GIMAP8: variants seen among roughly 807,000 people sequenced by gnomAD.
GIMAP8 encodes the protein GTPase, IMAP family member 8.
In GIMAP8, 29 loss-of-function variants were observed where a neutral mutation model predicts 35.6. The ratio of observed to expected loss-of-function variants is 0.81; its 90% CI spans 0.61 to 1.11. GIMAP8 has a LOEUF of 1.11. GIMAP8 is among the 50% of genes most tolerant of loss of function. GIMAP8 has a pLI of 0.00. For missense variants in GIMAP8, 811 were observed against 805.0 expected (o/e 1.01, Z -0.09); for synonymous variants, 335 against 308.7 (o/e 1.09, Z -0.89).
In GIMAP8 at chr7:150,474,392, T is replaced by C. The variant is rs1802173265; in HGVS notation, c.1063T>C (p.Phe355Leu). ...STIQNNFGEK[F>L]FEYMIILLTR... ...CATCCAAAACAATTTTGGAGAAAAATTCTTTGAGTACATGATCATACTTCT... is the reference window on the plus strand; with the variant it reads ...CATCCAAAACAATTTTGGAGAAAAACTCTTTGAGTACATGATCATACTTCT... The change falls in exon 4 of 5, where the codon TTC becomes CTC. Residue 355 changes from phenylalanine (F) to leucine (L), a missense_variant. Physicochemically the swap from Phe to Leu is conservative, Grantham distance 22 (BLOSUM62 0). Transcript: ENST00000307271. The C allele has an allele frequency of 1.2e-6, 2 of 1,613,940 alleles. No homozygotes were observed. Among genetic ancestry groups the C allele is most frequent in the African/African-American group, 1.3e-5 (1 of 74,874 alleles).
Position 150,472,187 on chromosome 7 carries a change from G to A in GIMAP8, c.682+1313G>A, listed in dbSNP as rs1446082199. Among the ~76,000 whole-genome samples, 1 of 152,178 alleles carries A rather than the reference G, an allele frequency of 6.6e-6. No homozygotes were observed. The highest frequency in any genetic ancestry group is 1.5e-5 in the Non-Finnish European group (1 of 68,034). On this transcript the variant is annotated intron_variant, in intron 3 of 4. Transcript: ENST00000307271. The surrounding 1 kb of genome is among the most constrained non-coding windows in gnomAD (Gnocchi z 4.1). ...CAGGGCTGTCAGAAACAGGGGGCAG[G>A]GAAGGACTTTTTATAGGATGTGGGC...
At chr7:150,455,138 CAAA>C (rs57359256) in intron 1 of GIMAP8, among the ~76,000 whole-genome samples, 33,768 of 124,060 alleles carry the variant, frequency 0.27, 4,237 homozygotes, top group East Asian at 0.41. Flanking sequence ...AATTCCATCT[CAAA>C]AAAAAAAAAA....
chr7:150,452,709 T>TATATATATATATATACACAC (rs1373884339), intron 1 of GIMAP8, among the ~76,000 whole-genome samples: 3 of 106,624 alleles, frequency 2.8e-5, no homozygotes, highest in African/African-American at 1.0e-4. Flanking sequence ...TATATATATA[T>TATATATATATATATACACAC]ACATGCGAGT....
intron 3 of GIMAP8, 78 bp from the exon 4 acceptor site, chr7:150,473,934 G>A (rs1293991432): frequency 1.4e-6 from 2 of 1,441,612 alleles, no homozygotes; most frequent in Non-Finnish European, 9.4e-7. Flanking sequence ...AGTTTGCAGG[G>A]ATGAGAAATC....
In GIMAP8 at chr7:150,469,723, AG is replaced by A. The variant is rs1802046156; in HGVS notation, c.637-1104del. Among the ~76,000 whole-genome samples the A allele has an allele frequency of 3.9e-5, 6 of 152,176 alleles. No individual in the cohort carries two copies. In the South Asian group the frequency reaches 1.2e-3, roughly 32 times the overall value. ...CTATGCCCTGGAAATAAAAAAAAAA[AG>A]GTATACCTAAAGATATATGTACAAG... On this transcript the variant is annotated intron_variant, in intron 2 of 4. Transcript: ENST00000307271.
intron 1 of GIMAP8, among the ~76,000 whole-genome samples, chr7:150,466,465 G>T (rs1326778657): frequency 6.6e-6 from 1 of 151,988 alleles, no homozygotes; most frequent in African/African-American, 2.4e-5. Context: ...GGAACTAAAA[G>T]AGATCTCTAG....
chr7:150,468,221 A>G (rs753888464), intron 2 of GIMAP8, among the ~76,000 whole-genome samples: 1 of 152,162 alleles, frequency 6.6e-6, no homozygotes. Context: ...TTTTCTCCTC[A>G]TGTATTCTTG....
intron 3 of GIMAP8, 64 bp from the exon 4 acceptor site, chr7:150,473,948 A>C: frequency 2.6e-6 from 4 of 1,517,780 alleles, no homozygotes. Flanking sequence ...AGAAATCATA[A>C]AACCTGCCCA....
chr7:150,461,823 T>C (rs1171689775), intron 1 of GIMAP8, among the ~76,000 whole-genome samples: 3 of 152,240 alleles, frequency 2.0e-5, no homozygotes, highest in African/African-American at 7.2e-5. Flanking sequence ...ACTCCTGTCA[T>C]TGTGTTGTTT....
chr7:150,467,066 C>A lies in GIMAP8; in HGVS notation c.368C>A (p.Ala123Asp). 3 of 1,614,162 alleles carry A rather than the reference C, an allele frequency of 1.9e-6. No homozygotes were observed. Among genetic ancestry groups the A allele is most frequent in the Non-Finnish European group, 2.5e-6 (3 of 1,180,018 alleles). Residue 123 changes from alanine to aspartate, a missense_variant, in exon 2 of 5, where the codon GCT becomes GAT. Physicochemically the swap from Ala to Asp is moderately radical, Grantham distance 126. Transcript: ENST00000307271. ...TAKGIQQVFG[A>D]EARRHIIIVF... ...AAGGGCATCCAACAAGTGTTTGGAG[C>A]TGAAGCCAGGAGGCACATCATTATT...
chr7:150,467,670 T>C (rs1470933418), intron 2 of GIMAP8, among the ~76,000 whole-genome samples: 7 of 152,196 alleles, frequency 4.6e-5, no homozygotes, highest in Non-Finnish European at 8.8e-5. Context: ...GTTTTATTTT[T>C]CCCTCTTTTT....
intron 1 of GIMAP8, among the ~76,000 whole-genome samples, chr7:150,463,683 G>A (rs1386824051): frequency 6.6e-6 from 1 of 152,180 alleles, no homozygotes; most frequent in East Asian, 1.9e-4. Context: ...AGATTTCCTG[G>A]GGATAGAGAT....
chr7:150,470,383 T>C (rs1327338332), intron 2 of GIMAP8, among the ~76,000 whole-genome samples: 1 of 152,124 alleles, frequency 6.6e-6, no homozygotes, highest in African/African-American at 2.4e-5. Flanking sequence ...TCCACAACAA[T>C]AAATATTTTG....
chr7:150,469,547 C>T (rs1351400283), intron 2 of GIMAP8, among the ~76,000 whole-genome samples: 1 of 152,142 alleles, frequency 6.6e-6, no homozygotes, highest in East Asian at 1.9e-4. Flanking sequence ...GAAATGCTTA[C>T]AAAGTCGTTA....
intron 1 of GIMAP8, among the ~76,000 whole-genome samples, chr7:150,459,164 A>G (rs1018447537): frequency 3.3e-5 from 5 of 152,216 alleles, no homozygotes; most frequent in African/African-American, 1.2e-4. Context: ...GGACGTGGCT[A>G]CACTAAGAGA....
At chr7:150,461,329 T>C (rs1801840383) in intron 1 of GIMAP8, among the ~76,000 whole-genome samples, 1 of 152,236 alleles carries the variant, frequency 6.6e-6, no homozygotes, top group African/African-American at 2.4e-5. Context: ...ACTGGGGTAT[T>C]AAAGTCTCCA....
Position 150,478,012 on chromosome 7 carries a change from G to A in GIMAP8, c.*232G>A, listed in dbSNP as rs1802279885. The A allele has an allele frequency of 1.3e-5, 7 of 542,482 alleles. No homozygotes were observed. The highest frequency in any genetic ancestry group is 1.0e-4 in the Admixed American group (3 of 29,696). 33.6% of individuals were successfully genotyped at this position (542,482 alleles called of 1,614,324 possible). On this transcript the variant is annotated 3_prime_UTR_variant, in exon 5 of 5. Coordinates refer to ENST00000307271, the MANE Select transcript of GIMAP8 (RefSeq NM_175571.4). Reference sequence around the variant, plus strand: ...AGAAGATACAAGGTGGGGAAATCTGGAAAAAGATTTCAGACATTAGGCTGA... The same window carrying A: ...AGAAGATACAAGGTGGGGAAATCTGAAAAAAGATTTCAGACATTAGGCTGA...
chr7:150,461,950 C>T (rs1226463661), intron 1 of GIMAP8, among the ~76,000 whole-genome samples: 3 of 152,078 alleles, frequency 2.0e-5, no homozygotes, highest in Admixed American at 6.5e-5. Flanking sequence ...GGGCTGAGTC[C>T]GAAAAAGGAG....
intron 4 of GIMAP8, 145 bp from the exon 5 acceptor site, chr7:150,476,946 TC>T: frequency 3.2e-6 from 2 of 632,124 alleles, no homozygotes; most frequent in Non-Finnish European, 5.5e-6. Context: ...TGTTTGGAGA[TC>T]CCCCTGCTTG....
Sources: gnomAD v4.1 joint callset for allele counts (sites outside exome capture counted in the v4.1 genomes callset) on GRCh38, gnomAD v4.1.1 for gene constraint, Gnocchi (gnomAD v3.1) non-coding constraint, MANE v1.5 for transcripts, NCBI Gene and HGNC (gene_info 2026-07-23, HGNC 2026-07-21) for gene names.